The following TP73 variants were observed in gnomAD, a reference collection of about 807,000 sequenced individuals.
The protein encoded by TP73 is p53-like transcription factor.
In TP73, 25 loss-of-function variants were observed where a neutral mutation model predicts 62.5. The ratio of observed to expected loss-of-function variants is 0.40; its 90% CI spans 0.29 to 0.56. The LOEUF (loss-of-function observed/expected upper bound fraction) is 0.56. Among genes scored for constraint, TP73 ranks in the 20% least tolerant of loss-of-function variants. TP73 has a pLI of 0.46. For missense variants in TP73, 754 were observed against 913.3 expected, an observed-to-expected ratio of 0.83 and a Z score of 2.25; for synonymous variants, 423 against 377.5, an observed-to-expected ratio of 1.12 and a Z score of -1.40.
chr1:3,696,376 C>T lies in TP73; in HGVS notation c.187-11173C>T, dbSNP rs983556040. ...GGAGTTGGGGCCACACTGGCAGGAG[C>T]GGCCATGTGGACACTCAGTTGCTGG... On this transcript the variant is annotated intron_variant, in intron 3 of 13. Coordinates refer to ENST00000378295, the MANE Select transcript of TP73 (RefSeq NM_005427.4). This position sits in a 1 kb window ranked among gnomAD's most constrained non-coding sequence, Gnocchi z 4.1. Among the ~76,000 whole-genome samples, 7 of 152,036 alleles carry T rather than the reference C, an allele frequency of 4.6e-5. No individual in the cohort carries two copies. In the East Asian group the frequency reaches 7.7e-4, roughly 17 times the overall value.
rs372449013 is a variant in TP73, at chr1:3,683,764, C to T, written c.186+584C>T. ...GATCTGAATGTGGTCATGGGCCCAT[C>T]TCTGAGCCACATCTGTGCCTCTGAT... On this transcript the variant is annotated intron_variant, in intron 3 of 13. Coordinates refer to ENST00000378295, the MANE Select transcript of TP73 (RefSeq NM_005427.4). Among the ~76,000 whole-genome samples, 8 of 152,358 alleles carry T rather than the reference C, an allele frequency of 5.3e-5. No individual in the cohort carries two copies. The East Asian group carries it at 1.4e-3, about 26-fold the overall frequency.
At chr1:3,714,194 G>C (rs1267185991) in intron 4 of TP73, 1 of 152,224 alleles carries the variant, frequency 6.6e-6, no homozygotes, top group African/African-American at 2.4e-5. Flanking sequence ...TACCTTAAAA[G>C]CTGAAGAGGG....
chr1:3,727,314 C>A, intron 7 of TP73, 90 bp downstream of exon 7: 2 of 1,295,468 alleles, frequency 1.5e-6, no homozygotes, highest in Non-Finnish European at 2.2e-6. Context: ...ACCTGCAGGC[C>A]AAGGCTAGCT....
intron 1 of TP73, among the ~76,000 whole-genome samples, chr1:3,671,578 C>T (rs938074532): frequency 1.5e-4 from 23 of 152,308 alleles, no homozygotes; most frequent in Admixed American, 5.2e-4. Flanking sequence ...GGCTGCCTGG[C>T]GGGAAGGTGG....
rs1645208342 is a variant in TP73, at chr1:3,670,198, G to A, written c.-33-12135G>A. On this transcript the variant is annotated intron_variant, in intron 1 of 13. Transcript: ENST00000378295. This position sits in a 1 kb window ranked among gnomAD's most constrained non-coding sequence, Gnocchi z 5.9. Reference sequence around the variant, plus strand: ...TGCTCATCCCTAAGGCAGGGATGATGATGGGGCCAGGGGACCACATGGGCA... The same window carrying A: ...TGCTCATCCCTAAGGCAGGGATGATAATGGGGCCAGGGGACCACATGGGCA... Among the ~76,000 whole-genome samples the A allele has an allele frequency of 6.6e-6, 1 of 152,098 alleles. No homozygotes were observed. Among genetic ancestry groups the A allele is most frequent in the East Asian group, 1.9e-4 (1 of 5,184 alleles).
intron 4 of TP73, among the ~76,000 whole-genome samples, chr1:3,709,944 C>G (rs1459360025): frequency 6.6e-6 from 1 of 152,172 alleles, no homozygotes; most frequent in South Asian, 2.1e-4. Flanking sequence ...TGGCTTCCCC[C>G]ATCTAGGGTA....
At chr1:3,704,058 G>A (rs1412595827) in intron 3 of TP73, among the ~76,000 whole-genome samples, 2 of 152,210 alleles carry the variant, frequency 1.3e-5, no homozygotes, top group African/African-American at 4.8e-5. Context: ...CTGGACTGGG[G>A]GAGCCGTCCT....
rs1645211864 is a variant in TP73 at position 3,670,345 on chromosome 1, G to A, written c.-33-11988G>A. Among the ~76,000 whole-genome samples, 1 of 151,174 alleles carries A rather than the reference G, an allele frequency of 6.6e-6. No homozygotes were observed. Among genetic ancestry groups the A allele is most frequent in the Non-Finnish European group, 1.5e-5 (1 of 67,994 alleles). The stretch of plus-strand genomic sequence containing the variant: ...CAAGACTCAAGAGCCCCATGTCCAG[G>A]TGGGGATGTACAGGAGCCCCTTAGA... On this transcript the variant is annotated intron_variant, in intron 1 of 13. Transcript: ENST00000378295. This position sits in a 1 kb window ranked among gnomAD's most constrained non-coding sequence, Gnocchi z 5.9.
At chr1:3,685,082 T>TC (rs1310962484) in intron 3 of TP73, among the ~76,000 whole-genome samples, 1 of 151,902 alleles carries the variant, frequency 6.6e-6, no homozygotes, top group Non-Finnish European at 1.5e-5. Flanking sequence ...CATAAGATTG[T>TC]CCCCTGAGAT....
At chr1:3,727,881 C>T (rs1641805255) in intron 8 of TP73, 111 bp downstream of exon 8, 2 of 1,408,278 alleles carry the variant, frequency 1.4e-6, no homozygotes, top group Non-Finnish European at 9.3e-7. Context: ...TGAACGGCCC[C>T]CCACGCCCAG....
At chr1:3,730,608 A>G (rs1276686545) in intron 11 of TP73, among the ~76,000 whole-genome samples, 1 of 152,136 alleles carries the variant, frequency 6.6e-6, no homozygotes, top group Admixed American at 6.5e-5. Flanking sequence ...GCATGTTCCC[A>G]GTGCCGTGAG....
chr1:3,731,386 C>A, intron 12 of TP73, 77 bp from the exon 13 acceptor site: 1 of 1,440,610 alleles, frequency 6.9e-7, no homozygotes, highest in Non-Finnish European at 9.7e-7. Flanking sequence ...CCAGCCAGGC[C>A]ACTCTCAGAG....
chr1:3,670,603 T>C lies in TP73; in HGVS notation c.-33-11730T>C, dbSNP rs1570390580. ...ATCATTTGAACCTGGAAGGCGGAGG[T>C]TGCAGTGAGCTGAGATCGTACCACT... is the stretch of plus-strand genomic sequence containing the variant. On this transcript the variant is annotated intron_variant, in intron 1 of 13. Coordinates refer to ENST00000378295, the MANE Select transcript of TP73 (RefSeq NM_005427.4). This position sits in a 1 kb window ranked among gnomAD's most constrained non-coding sequence, Gnocchi z 5.9. 6.6e-6 allele frequency among the ~76,000 whole-genome samples: 1 copy of C among 151,666 alleles called. No homozygotes were observed. The highest frequency in any genetic ancestry group is 1.5e-5 in the Non-Finnish European group (1 of 67,936).
chr1:3,658,302 G>A (rs910455601), intron 1 of TP73, among the ~76,000 whole-genome samples: 15 of 152,234 alleles, frequency 9.9e-5, no homozygotes, highest in South Asian at 2.1e-4. Flanking sequence ...TCTTCCCTAC[G>A]GGGTTCTTGT....
rs1638627991 is a variant in TP73, at chr1:3,696,070, G to A, written c.187-11479G>A. Among the ~76,000 whole-genome samples, 1 of 152,244 alleles carries A rather than the reference G, an allele frequency of 6.6e-6. No individual in the cohort carries two copies. Among genetic ancestry groups the A allele is most frequent in the East Asian group, 1.9e-4 (1 of 5,196 alleles). On this transcript the variant is annotated intron_variant, in intron 3 of 13. Transcript: ENST00000378295. This position sits in a 1 kb window ranked among gnomAD's most constrained non-coding sequence, Gnocchi z 4.1. ...ATAGCTGAGAAGGAGCCGCATGCAG[G>A]GAGGAGGACGACGAGCGAGCAGTTC...
intron 3 of TP73, chr1:3,690,805 G>A (rs1425514610): frequency 3.3e-6 from 5 of 1,531,340 alleles, no homozygotes; most frequent in Non-Finnish European, 4.4e-6. Context: ...CACGCTGCCG[G>A]GCGGCCACGA....
intron 7 of TP73, 142 bp from the exon 8 acceptor site, chr1:3,727,486 C>A: frequency 8.0e-7 from 1 of 1,248,058 alleles, no homozygotes; most frequent in Non-Finnish European, 1.1e-6. Context: ...CTAGCGGGAA[C>A]ACTCGCTGCC....
At chr1:3,711,726 A>G (rs1470091893) in intron 4 of TP73, among the ~76,000 whole-genome samples, 4 of 152,336 alleles carry the variant, frequency 2.6e-5, no homozygotes, top group Non-Finnish European at 2.9e-5. Context: ...GAGGACACAC[A>G]CAGGTGCGAT....
At position 3,701,055 on chromosome 1, in the gene TP73, G is replaced by A. The variant is rs1282743228; in HGVS notation, c.187-6494G>A. ...CTTGGGGCTGTGGCCGACATGGCGG[G>A]CAGTGGCACACCGTGGCCACTTCCC... On this transcript the variant is annotated intron_variant, in intron 3 of 13. Coordinates refer to ENST00000378295, the MANE Select transcript of TP73 (RefSeq NM_005427.4). This position sits in a 1 kb window ranked among gnomAD's most constrained non-coding sequence, Gnocchi z 4.7. 6.6e-6 allele frequency among the ~76,000 whole-genome samples: 1 copy of A among 152,200 alleles called. No individual in the cohort carries two copies. The highest frequency in any genetic ancestry group is 1.5e-5 in the Non-Finnish European group (1 of 68,032).
Sources: allele counts gnomAD v4.1 joint callset (sites outside exome capture counted in the v4.1 genomes callset), GRCh38; gene constraint gnomAD v4.1.1; non-coding constraint Gnocchi (gnomAD v3.1); transcripts MANE v1.5; gene names NCBI Gene and HGNC (gene_info 2026-07-23, HGNC 2026-07-21).